The following MSTO1 variants were observed in gnomAD, a reference collection of about 807,000 sequenced individuals.
MSTO1 encodes the protein protein misato homolog 1.
MSTO1 carries 24 observed loss-of-function variants against 55.7 expected under a neutral mutation model. That is an observed-to-expected ratio of 0.43 (90% confidence interval 0.31 to 0.61). The LOEUF (loss-of-function observed/expected upper bound fraction) is 0.61. MSTO1 is among the 20% of genes least tolerant of loss of function. MSTO1 has a pLI of 0.09. For synonymous variants in MSTO1, 162 were observed against 252.8 expected (o/e 0.64, Z 3.41); for missense variants, 363 against 625.7 (o/e 0.58, Z 4.48).
the MSTO1 span, among the ~76,000 whole-genome samples, chr1:155,595,173 G>GT: frequency 2.3e-5 from 3 of 130,434 alleles, no homozygotes; most frequent in South Asian, 2.5e-4. Flanking sequence ...CTTCAGGTTT[G>GT]TTGTTTTTTT....
At chr1:155,589,284 C>T in the MSTO1 span, among the ~76,000 whole-genome samples, 5 of 150,422 alleles carry the variant, frequency 3.3e-5, no homozygotes, top group African/African-American at 4.9e-5. Flanking sequence ...GGCAATAGAG[C>T]GAGACTCCAT....
the MSTO1 span, chr1:155,598,796 C>T: frequency 3.6e-6 from 4 of 1,110,956 alleles, no homozygotes; most frequent in African/African-American, 3.1e-5. Context: ...CTTGTAGTCA[C>T]GTTTTCTTTA....
chr1:155,586,606 A>AT, the MSTO1 span: 6 of 445,678 alleles, frequency 1.3e-5, no homozygotes, highest in Admixed American at 7.9e-5. Context: ...TGTTGCAAAT[A>AT]TTTTTTCCCA....
chr1:155,602,864 G>C, the MSTO1 span, among the ~76,000 whole-genome samples: 31 of 151,870 alleles, frequency 2.0e-4, no homozygotes, highest in African/African-American at 7.0e-4. Flanking sequence ...TATCTTTTTA[G>C]GGAACCAGAA....
upstream of MSTO1, among the ~76,000 whole-genome samples, chr1:155,606,255 C>A (rs1489677317): frequency 8.3e-6 from 1 of 120,178 alleles, no homozygotes; most frequent in Non-Finnish European, 1.6e-5. Flanking sequence ...GACGGGGTCT[C>A]GCCATGTTGG....
At chr1:155,605,396 T>C (rs1672922715), upstream of MSTO1, among the ~76,000 whole-genome samples, 1 of 152,180 alleles carries the variant, frequency 6.6e-6, no homozygotes, top group African/African-American at 2.4e-5. Context: ...GCTCTGAATT[T>C]GTAGATGAAA....
At chr1:155,585,522 CAAA>C in the MSTO1 span, among the ~76,000 whole-genome samples, 14 of 56,908 alleles carry the variant, frequency 2.5e-4, no homozygotes, top group Admixed American at 1.7e-3. Flanking sequence ...GACTCCGTCT[CAAA>C]AAAAAAAAAA....
chr1:155,600,945 G>A, the MSTO1 span, among the ~76,000 whole-genome samples: 3 of 150,636 alleles, frequency 2.0e-5, no homozygotes, highest in South Asian at 4.2e-4. Flanking sequence ...CAAAGTGCTG[G>A]GATTACAGGT....
At chr1:155,600,556 C>CTTTCTTTTTTT in the MSTO1 span, among the ~76,000 whole-genome samples, 1 of 149,892 alleles carries the variant, frequency 6.7e-6, no homozygotes, top group African/African-American at 2.5e-5. Flanking sequence ...TTTTTTCTTT[C>CTTTCTTTTTTT]TTTTTTTTTG....
chr1:155,563,900 T>TA, the MSTO1 span: 46 of 288,916 alleles, frequency 1.6e-4, no homozygotes, highest in African/African-American at 1.0e-3. Flanking sequence ...GTGTAATTGG[T>TA]AGTGTTCTGT....
In MSTO1 at chr1:155,612,242, G is replaced by A; in HGVS notation, c.739G>A (p.Glu247Lys). 2.5e-6 allele frequency: 4 copies of A among 1,595,546 alleles called. No homozygotes were observed. Among genetic ancestry groups the A allele is most frequent in the Non-Finnish European group, 3.4e-6 (4 of 1,170,818 alleles). The change falls in exon 8 of 14, where the codon GAG becomes AAG. Residue 247 changes from glutamate (E) to lysine (K), a missense_variant. By Grantham distance (56) the Glu-to-Lys change is moderately conservative. Coordinates refer to ENST00000245564, the MANE Select transcript of MSTO1 (RefSeq NM_018116.4). ...GFSGVGAKAA[E>K]LLQDEYSGRG... ...CTCTGGGGTAGGCGCGAAGGCGGCA[G>A]AGCTGCTACAAGATGAATATTCAGG...
the MSTO1 span, among the ~76,000 whole-genome samples, chr1:155,577,015 C>CAAAA: frequency 2.9e-5 from 1 of 34,642 alleles, no homozygotes; most frequent in Admixed American, 5.0e-4. Context: ...AACTCCGTCT[C>CAAAA]AAAAAAAAAA....
At chr1:155,612,135 G>C in intron 7 of MSTO1, 35 bp downstream of exon 7, 1 of 1,613,384 alleles carries the variant, frequency 6.2e-7, no homozygotes, top group Non-Finnish European at 8.5e-7. Context: ...CAGGGTGGAA[G>C]CTCTTCTCAT....
the MSTO1 span, among the ~76,000 whole-genome samples, chr1:155,570,008 G>T: frequency 3.3e-5 from 5 of 152,092 alleles, no homozygotes; most frequent in Admixed American, 6.5e-5. Flanking sequence ...TACCTGGAAC[G>T]TTAGTACCCA....
the MSTO1 span, among the ~76,000 whole-genome samples, chr1:155,580,801 C>T: frequency 6.7e-6 from 1 of 149,138 alleles, no homozygotes; most frequent in African/African-American, 2.5e-5. Flanking sequence ...CATCTGTACT[C>T]GGGAGGCTGA....
chr1:155,598,885 C>T, the MSTO1 span: 1 of 1,456,988 alleles, frequency 6.9e-7, no homozygotes, highest in African/African-American at 1.4e-5. Context: ...CTGTGCAAAA[C>T]AGGACTGGCT....
the MSTO1 span, among the ~76,000 whole-genome samples, chr1:155,588,534 T>C: frequency 6.6e-6 from 1 of 152,138 alleles, no homozygotes; most frequent in Admixed American, 6.6e-5. Context: ...ACTGGCTAGG[T>C]AACTTACCTG....
At chr1:155,612,596 C>T in intron 9 of MSTO1, 26 bp downstream of exon 9, 1 of 1,590,640 alleles carries the variant, frequency 6.3e-7, no homozygotes, top group Non-Finnish European at 8.6e-7. Context: ...CTTGTTCTGA[C>T]TGCGGCAGGC....
rs781271267 is a variant in MSTO1, at chr1:155,612,957, G to C, written c.1080G>C (p.Leu360=). 1 of 1,613,966 alleles carries C rather than the reference G, an allele frequency of 6.2e-7. No homozygotes were observed. The highest frequency in any genetic ancestry group is 8.5e-7 in the Non-Finnish European group (1 of 1,179,878). ...PVSMVHLADM[L]SFCGKKVVTA... is the part of the protein sequence containing the mutation. ...CCATGGTTCATCTGGCTGACATGCTGAGCTTCTGTGGGAAAAAGGTATGAA... is the reference window on the plus strand; with the variant it reads ...CCATGGTTCATCTGGCTGACATGCTCAGCTTCTGTGGGAAAAAGGTATGAA... Residue 360 remains leucine (L), a synonymous_variant, in exon 10 of 14, where the codon CTG becomes CTC. Coordinates refer to ENST00000245564, the MANE Select transcript of MSTO1 (RefSeq NM_018116.4).
Sources: allele counts gnomAD v4.1 joint callset (sites outside exome capture counted in the v4.1 genomes callset), GRCh38; gene constraint gnomAD v4.1.1; transcripts MANE v1.5; gene names NCBI Gene and HGNC (gene_info 2026-07-23, HGNC 2026-07-21).